Variants in ARHGAP32 observed in about 807,000 individuals in gnomAD.
The protein encoded by ARHGAP32 is rho GTPase-activating protein 32.
ARHGAP32 carries 51 observed loss-of-function variants against 186.5 expected under a neutral mutation model. The ratio of observed to expected loss-of-function variants is 0.27; its 90% CI spans 0.22 to 0.35. The LOEUF is 0.35. Ranked by LOEUF, ARHGAP32 falls within the 10% of genes least tolerant of loss-of-function variation. The pLI is 1.00. For synonymous variants in ARHGAP32, 950 were observed against 964.3 expected (o/e 0.99, Z 0.27); for missense variants, 2,186 against 2,623.5 (o/e 0.83, Z 3.64).
intron 16 of ARHGAP32, 88 bp downstream of exon 16, chr11:128,981,740 CT>C: frequency 4.1e-6 from 5 of 1,219,778 alleles, no homozygotes; most frequent in Non-Finnish European, 5.8e-6. Flanking sequence ...TTTGTTTAAT[CT>C]TTTAAAAGTT....
intron 11 of ARHGAP32, among the ~76,000 whole-genome samples, chr11:129,007,298 T>C (rs1304316684): frequency 2.0e-5 from 3 of 151,956 alleles, no homozygotes; most frequent in South Asian, 4.2e-4. Context: ...TCTTTCACCA[T>C]AGCCACCACA....
At chr11:129,037,642 T>G (rs1201290315) in intron 11 of ARHGAP32, among the ~76,000 whole-genome samples, 1 of 151,964 alleles carries the variant, frequency 6.6e-6, no homozygotes, top group Non-Finnish European at 1.5e-5. Flanking sequence ...CATCCTACTC[T>G]GTAGAAACTG....
chr11:129,077,181 A>T (rs1348470504), intron 6 of ARHGAP32, among the ~76,000 whole-genome samples: 2 of 152,116 alleles, frequency 1.3e-5, no homozygotes, highest in East Asian at 3.9e-4. Context: ...GTTCTTTGGG[A>T]GGGATGCCAG....
chr11:128,968,945 AC>A lies in ARHGAP32; in HGVS notation c.6267del (p.Leu2089PhefsTer19). 6.4e-7 allele frequency: 1 copy of A among 1,554,308 alleles called. No individual in the cohort carries two copies. The highest frequency in any genetic ancestry group is 8.7e-7 in the Non-Finnish European group (1 of 1,145,940). On this transcript the variant is annotated frameshift_variant, in exon 23 of 23. Coordinates refer to ENST00000682385, the MANE Select transcript of ARHGAP32 (RefSeq NM_001378024.1). LOFTEE classifies it high-confidence loss of function. ...ATCTGTGTTTCAGGATGCTGCAAGGACAACTCTGCGGGCAGGAAGGCCCCTT... is the reference window on the plus strand; with the variant it reads ...ATCTGTGTTTCAGGATGCTGCAAGGAAACTCTGCGGGCAGGAAGGCCCCTT... ...LGQGAFLPAELSLQHPETQIH... is the reference protein window; with the variant it reads ...LGQGAFLPAEXSLQHPETQIH...
chr11:129,273,072 T>C (rs1945490650), intron 1 of ARHGAP32, among the ~76,000 whole-genome samples: 1 of 152,180 alleles, frequency 6.6e-6, no homozygotes, highest in South Asian at 2.1e-4. Context: ...TTTTACATGT[T>C]CAAGGTCACA....
intron 2 of ARHGAP32, among the ~76,000 whole-genome samples, chr11:129,155,550 C>T (rs1047886566): frequency 1.3e-5 from 2 of 152,148 alleles, no homozygotes; most frequent in African/African-American, 4.8e-5. Context: ...AAACTGAGTA[C>T]ATCACCACAC....
At chr11:129,058,238 C>CTA (rs34506002) in intron 10 of ARHGAP32, among the ~76,000 whole-genome samples, 4,422 of 138,314 alleles carry the variant, frequency 0.032, 87 homozygotes, top group Middle Eastern at 0.052. Context: ...CTCTCTCTCT[C>CTA]TATATATATA....
chr11:129,061,203 T>C (rs1209992588), intron 10 of ARHGAP32, among the ~76,000 whole-genome samples: 2 of 152,204 alleles, frequency 1.3e-5, no homozygotes, highest in Non-Finnish European at 2.9e-5. Context: ...GTAACACTTG[T>C]ATAAGTAGAC....
intron 2 of ARHGAP32, among the ~76,000 whole-genome samples, chr11:129,129,343 C>G (rs1173679154): frequency 6.6e-6 from 1 of 151,574 alleles, no homozygotes; most frequent in East Asian, 1.9e-4. Context: ...AGGAGCCCCT[C>G]CGCCCGGCAG....
At chr11:129,152,966 T>C (rs772477211) in intron 2 of ARHGAP32, among the ~76,000 whole-genome samples, 1 of 152,182 alleles carries the variant, frequency 6.6e-6, no homozygotes. Context: ...GCTGATGATA[T>C]GATCATATAC....
At chr11:129,140,582 C>A (rs1943030455) in intron 2 of ARHGAP32, among the ~76,000 whole-genome samples, 1 of 152,174 alleles carries the variant, frequency 6.6e-6, no homozygotes, top group Non-Finnish European at 1.5e-5. Context: ...GCCTCAGAAG[C>A]TTTTGCCTCC....
chr11:129,259,182 G>A (rs551977825), intron 1 of ARHGAP32, among the ~76,000 whole-genome samples: 3 of 152,152 alleles, frequency 2.0e-5, no homozygotes, highest in Non-Finnish European at 4.4e-5. Flanking sequence ...TTAATCATGT[G>A]TAAGACAGGA....
intron 1 of ARHGAP32, among the ~76,000 whole-genome samples, chr11:129,168,834 C>A (rs1943692856): frequency 6.6e-6 from 1 of 151,402 alleles, no homozygotes; most frequent in East Asian, 1.9e-4. Flanking sequence ...CAGAACTGCA[C>A]TAAAAAGCAA....
At chr11:129,024,010 A>G (rs962931515) in intron 11 of ARHGAP32, 7 of 985,330 alleles carry the variant, frequency 7.1e-6, no homozygotes, top group Admixed American at 6.1e-5. Flanking sequence ...CCTCACCACC[A>G]CAGGTTAACT....
intron 1 of ARHGAP32, among the ~76,000 whole-genome samples, chr11:129,216,211 G>A (rs1409453153): frequency 3.3e-5 from 5 of 152,100 alleles, no homozygotes. Context: ...AACACACCAT[G>A]CAGAGTAACA....
At position 129,160,331 on chromosome 11, in the gene ARHGAP32, G is replaced by A. The variant is rs186032611; in HGVS notation, c.225+3988C>T. Among the ~76,000 whole-genome samples, 67 of 152,136 alleles carry A rather than the reference G, an allele frequency of 4.4e-4. 1 individual carries two copies. Among genetic ancestry groups the A allele is most frequent in the Middle Eastern group, 6.8e-3 (2 of 294 alleles). On this transcript the variant is annotated intron_variant, in intron 2 of 22. Coordinates refer to ENST00000682385, the MANE Select transcript of ARHGAP32 (RefSeq NM_001378024.1). Reference sequence around the variant, plus strand: ...CAAATTGTCTCTGTTTGCAGATGACGTGATTGTATATTTAAAAAACCCCAT... The same window carrying A: ...CAAATTGTCTCTGTTTGCAGATGACATGATTGTATATTTAAAAAACCCCAT...
In ARHGAP32 at chr11:129,256,248, A is replaced by G. The variant is rs148685013; in HGVS notation, c.-5+22898T>C. ...AGGCTGTGAGAAGTCATAGAGTTGA[A>G]TATGTATGTTCTATGCACGTACTCA... On this transcript the variant is annotated intron_variant, in intron 1 of 6. Transcript: ENST00000525234. Among the ~76,000 whole-genome samples the G allele has an allele frequency of 3.0e-3, 464 of 152,280 alleles. 3 individuals carry two copies. The highest frequency in any genetic ancestry group is 0.011 in the African/African-American group (448 of 41,566).
At chr11:129,037,173 A>G (rs956746696) in intron 11 of ARHGAP32, among the ~76,000 whole-genome samples, 13 of 152,240 alleles carry the variant, frequency 8.5e-5, no homozygotes, top group Non-Finnish European at 1.8e-4. Context: ...TTATACTCTG[A>G]AAACTACAAA....
chr11:129,128,929 G>A (rs963263449), intron 2 of ARHGAP32, among the ~76,000 whole-genome samples: 2 of 152,248 alleles, frequency 1.3e-5, no homozygotes, highest in East Asian at 1.9e-4. Flanking sequence ...ATCTCGGCTC[G>A]CTACAACCTC....
Sources: gnomAD v4.1 joint callset for allele counts (sites outside exome capture counted in the v4.1 genomes callset) on GRCh38, gnomAD v4.1.1 for gene constraint, MANE v1.5 for transcripts, NCBI Gene and HGNC (gene_info 2026-07-23, HGNC 2026-07-21) for gene names.